Variants in ADGRL2 observed in about 807,000 individuals in gnomAD.
The protein encoded by ADGRL2 is calcium-independent alpha-latrotoxin receptor 2.
Under a neutral mutation model 157.4 loss-of-function variants are expected in ADGRL2, and 44 were observed. That is an observed-to-expected ratio of 0.28 (90% CI 0.22 to 0.36). The LOEUF (loss-of-function observed/expected upper bound fraction) is 0.36. ADGRL2 is among the 10% of genes least tolerant of loss of function. The pLI is 1.00. For missense variants in ADGRL2, 1,510 were observed against 1,768.9 expected (o/e 0.85, Z 2.63); for synonymous variants, 585 against 624.7 (o/e 0.94, Z 0.95).
intron 1 of ADGRL2, among the ~76,000 whole-genome samples, chr1:81,806,372 C>G (rs1479055724): frequency 6.6e-6 from 1 of 152,024 alleles, no homozygotes; most frequent in Non-Finnish European, 1.5e-5. Context: ...TCAGCAGAAA[C>G]ATTAACACCA....
At chr1:81,392,410 CATCT>C (rs1194860023) in intron 1 of ADGRL2, among the ~76,000 whole-genome samples, 2 of 151,984 alleles carry the variant, frequency 1.3e-5, no homozygotes, top group African/African-American at 4.8e-5. Context: ...TACTAAGTCT[CATCT>C]ATTTTTACCA....
intron 11 of ADGRL2, among the ~76,000 whole-genome samples, chr1:81,965,491 GCTCA>G (rs1180230472): frequency 2.0e-5 from 3 of 151,938 alleles, no homozygotes; most frequent in Admixed American, 2.0e-4. Flanking sequence ...TCTTGGCTGG[GCTCA>G]CTATTTTTAG....
chr1:81,840,016 T>C (rs2092501311), intron 2 of ADGRL2, among the ~76,000 whole-genome samples: 1 of 137,508 alleles, frequency 7.3e-6, no homozygotes. Context: ...GGCATTTGGG[T>C]TGGTTCCACG....
Position 81,991,859 on chromosome 1 carries a change from T to C in ADGRL2, c.*714T>C, listed in dbSNP as rs1414258948. The C allele has an allele frequency of 6.6e-6, 1 of 152,662 alleles. No individual in the cohort carries two copies. Among genetic ancestry groups the C allele is most frequent in the Admixed American group, 6.5e-5 (1 of 15,276 alleles). 9.5% of individuals were successfully genotyped at this position (152,662 alleles called of 1,614,324 possible). ...ATAATTTTAAAGAGTGAAGAAAATATTGTGAAAAGCTCTTGGTTGCACATG... is the reference window on the plus strand; with the variant it reads ...ATAATTTTAAAGAGTGAAGAAAATACTGTGAAAAGCTCTTGGTTGCACATG... On this transcript the variant is annotated 3_prime_UTR_variant, in exon 24 of 24. Transcript: ENST00000686636.
At chr1:81,860,838 G>A (rs899963326) in intron 2 of ADGRL2, among the ~76,000 whole-genome samples, 1 of 152,022 alleles carries the variant, frequency 6.6e-6, no homozygotes, top group East Asian at 1.9e-4. Context: ...AATTTTCCTT[G>A]CCTTTAGTTT....
At chr1:81,347,425 T>G (rs1348449839) in intron 1 of ADGRL2, among the ~76,000 whole-genome samples, 5 of 151,956 alleles carry the variant, frequency 3.3e-5, no homozygotes, top group Non-Finnish European at 7.4e-5. Context: ...TGGTGAGGTC[T>G]TAGATAGAAA....
chr1:81,400,828 G>C (rs1256331201), intron 1 of ADGRL2, among the ~76,000 whole-genome samples: 1 of 152,096 alleles, frequency 6.6e-6, no homozygotes, highest in African/African-American at 2.4e-5. Flanking sequence ...CCAGCTCCAG[G>C]GAAGTAGAGT....
intron 2 of ADGRL2, among the ~76,000 whole-genome samples, chr1:81,887,040 G>A (rs1335487370): frequency 6.6e-6 from 1 of 152,132 alleles, no homozygotes; most frequent in Non-Finnish European, 1.5e-5. Context: ...ATTAGCTAAA[G>A]ATAGACATTC....
At chr1:81,849,534 G>A (rs543289617) in intron 2 of ADGRL2, among the ~76,000 whole-genome samples, 1 of 151,952 alleles carries the variant, frequency 6.6e-6, no homozygotes, top group South Asian at 2.1e-4. Context: ...AAGTACTTTT[G>A]TTCAACTGAT....
chr1:81,537,995 C>T (rs959841078), intron 2 of ADGRL2, among the ~76,000 whole-genome samples: 6 of 152,156 alleles, frequency 3.9e-5, no homozygotes, highest in Admixed American at 1.3e-4. Context: ...CCACCATGCC[C>T]GGCCGTGTCT....
At chr1:81,390,512 T>C (rs1026920546) in intron 1 of ADGRL2, among the ~76,000 whole-genome samples, 2 of 152,106 alleles carry the variant, frequency 1.3e-5, no homozygotes, top group African/African-American at 4.8e-5. Flanking sequence ...AAATGATTCA[T>C]GCTTATGACA....
Position 81,424,498 on chromosome 1 carries a change from C to T in ADGRL2, c.-301-20538C>T, listed in dbSNP as rs534371960. Among the ~76,000 whole-genome samples the T allele has an allele frequency of 5.3e-5, 8 of 152,310 alleles. 1 individual carries two copies. Among genetic ancestry groups the T allele is most frequent in the African/African-American group, 1.7e-4 (7 of 41,570 alleles). ...TAGTGCCAGGAAGGTTTTTGTCTTGCGTGAATACTTAAGAGCATTTTGCCA... is the reference window on the plus strand; with the variant it reads ...TAGTGCCAGGAAGGTTTTTGTCTTGTGTGAATACTTAAGAGCATTTTGCCA... On this transcript the variant is annotated intron_variant, in intron 1 of 24. Transcript: ENST00000370721.
At chr1:81,418,748 C>T (rs1359290894) in intron 1 of ADGRL2, among the ~76,000 whole-genome samples, 6 of 152,108 alleles carry the variant, frequency 3.9e-5, no homozygotes, top group Non-Finnish European at 5.9e-5. Flanking sequence ...AGTGAGACTC[C>T]ATCTCAAAAA....
upstream of ADGRL2, among the ~76,000 whole-genome samples, chr1:81,698,082 A>G (rs1210485599): frequency 6.6e-6 from 1 of 152,202 alleles, no homozygotes; most frequent in African/African-American, 2.4e-5. Context: ...AAGAAAGAGG[A>G]GACGTAGAGA....
chr1:81,918,722 T>G (rs1343379997), intron 3 of ADGRL2, among the ~76,000 whole-genome samples: 1 of 152,148 alleles, frequency 6.6e-6, no homozygotes, highest in Non-Finnish European at 1.5e-5. Flanking sequence ...AGCAACATTA[T>G]AGAAAGTAAA....
rs1338352392 is a variant in ADGRL2 at position 81,821,709 on chromosome 1, A to C, written c.-100-15176A>C. ...GTGAAATGCCGGAACAATTTCTTAT[A>C]TTTAATTTGAGGAGTATTACATGAG... On this transcript the variant is annotated intron_variant, in intron 1 of 23. Coordinates refer to ENST00000686636, the MANE Select transcript of ADGRL2 (RefSeq NM_001366006.2). Among the ~76,000 whole-genome samples, 4 of 152,284 alleles carry C rather than the reference A, an allele frequency of 2.6e-5. No individual in the cohort carries two copies. The East Asian group carries it at 5.8e-4, about 22-fold the overall frequency.
At chr1:81,694,852 TG>T (rs1263550682), upstream of ADGRL2, among the ~76,000 whole-genome samples, 5 of 152,296 alleles carry the variant, frequency 3.3e-5, no homozygotes, top group South Asian at 1.0e-3. Context: ...TGATGAACAT[TG>T]TGAATCCTAC....
intron 1 of ADGRL2, among the ~76,000 whole-genome samples, chr1:81,817,939 G>GGATAACTTT (rs1471984295): frequency 6.6e-6 from 1 of 151,996 alleles, no homozygotes; most frequent in Non-Finnish European, 1.5e-5. Flanking sequence ...TGAAGTGGTA[G>GGATAACTTT]GATAACTTGA....
At position 81,771,293 on chromosome 1, in the gene ADGRL2, AG is replaced by A. The variant is rs532795970; in HGVS notation, c.-101+9443del. On this transcript the variant is annotated intron_variant, in intron 2 of 20. Transcript: ENST00000359929. ...AAATGTTTTCCCTACATTGATTTAGAGGATAATATAATTTTTCTCACAAAGA... is the reference window on the plus strand; with the variant it reads ...AAATGTTTTCCCTACATTGATTTAGAGATAATATAATTTTTCTCACAAAGA... Among the ~76,000 whole-genome samples, 252 of 150,268 alleles carry A rather than the reference AG, an allele frequency of 1.7e-3. 1 individual carries two copies. Among genetic ancestry groups the A allele is most frequent in the African/African-American group, 5.6e-3 (225 of 40,484 alleles).
Sources: allele counts gnomAD v4.1 joint callset (sites outside exome capture counted in the v4.1 genomes callset), GRCh38; gene constraint gnomAD v4.1.1; transcripts MANE v1.5; gene names NCBI Gene and HGNC (gene_info 2026-07-23, HGNC 2026-07-21).